Variants in WNK2 observed in about 807,000 individuals in gnomAD.
WNK2 encodes serine/threonine-protein kinase WNK2.
Under a neutral mutation model 192.1 loss-of-function variants are expected in WNK2, and 67 were observed. That is an observed-to-expected ratio of 0.35 (90% confidence interval 0.29 to 0.43). The LOEUF (loss-of-function observed/expected upper bound fraction) is 0.43. WNK2 is among the 20% of genes least tolerant of loss of function. The pLI, the probability that WNK2 is intolerant of heterozygous loss-of-function variation, is 1.00. For missense variants in WNK2, 2,698 were observed against 3,089.7 expected, an observed-to-expected ratio of 0.87 and a Z score of 3.01; for synonymous variants, 1,439 against 1,393.9, an observed-to-expected ratio of 1.03 and a Z score of -0.72.
chr9:93,196,284 G>T (rs1329576300), intron 2 of WNK2, among the ~76,000 whole-genome samples: 2 of 152,102 alleles, frequency 1.3e-5, no homozygotes, highest in African/African-American at 2.4e-5. Context: ...CTTGCTCTCC[G>T]GTGGGGGAGA....
intron 26 of WNK2, among the ~76,000 whole-genome samples, chr9:93,305,759 C>A (rs944305616): frequency 6.6e-6 from 1 of 152,206 alleles, no homozygotes; most frequent in Non-Finnish European, 1.5e-5. Flanking sequence ...AGATCAGAGT[C>A]GCTCCTTTTT....
intron 7 of WNK2, among the ~76,000 whole-genome samples, chr9:93,245,796 T>C (rs1841578852): frequency 6.6e-6 from 1 of 152,212 alleles, no homozygotes; most frequent in African/African-American, 2.4e-5. Context: ...GGCTCCAGCC[T>C]TAGAGGTCAG....
intron 28 of WNK2, chr9:93,316,390 C>A (rs1564246959): frequency 1.3e-5 from 2 of 152,184 alleles, no homozygotes; most frequent in Non-Finnish European, 2.9e-5. Flanking sequence ...GACATATGAA[C>A]AACATGAGCG....
intron 8 of WNK2, among the ~76,000 whole-genome samples, chr9:93,248,221 C>A (rs1299944260): frequency 1.3e-5 from 2 of 152,256 alleles, no homozygotes; most frequent in Non-Finnish European, 2.9e-5. Flanking sequence ...GCCCTGTCCC[C>A]CCAGCCCACC....
intron 2 of WNK2, among the ~76,000 whole-genome samples, chr9:93,188,718 C>A (rs1453830202): frequency 6.6e-6 from 1 of 152,178 alleles, no homozygotes; most frequent in Non-Finnish European, 1.5e-5. Context: ...TAGCCTGGGG[C>A]TCCGTGTCGG....
intron 2 of WNK2, among the ~76,000 whole-genome samples, chr9:93,202,903 G>A (rs1263370389): frequency 6.6e-5 from 10 of 152,108 alleles, no homozygotes; most frequent in African/African-American, 2.2e-4. Flanking sequence ...TTCTTGCTAG[G>A]GTAGACCTCA....
rs1588088033 is a variant in WNK2, at chr9:93,235,233, G to A, written c.1233+268G>A. Among the ~76,000 whole-genome samples, 4 of 152,286 alleles carry A rather than the reference G, an allele frequency of 2.6e-5. No homozygotes were observed. In the South Asian group the frequency reaches 6.2e-4, roughly 24 times the overall value. ...GCAGTGCTTACCCATGGAGGCTGTCGCTCTCACAGCAGGGATGGTGGGGAG... is the reference window on the plus strand; with the variant it reads ...GCAGTGCTTACCCATGGAGGCTGTCACTCTCACAGCAGGGATGGTGGGGAG... On this transcript the variant is annotated intron_variant, in intron 5 of 29. Transcript: ENST00000427277.
chr9:93,286,313 AAAG>A (rs1358986044), intron 19 of WNK2, among the ~76,000 whole-genome samples: 1 of 152,102 alleles, frequency 6.6e-6, no homozygotes, highest in African/African-American at 2.4e-5. Flanking sequence ...CACAAATTAA[AAAG>A]AAAAGAATGA....
chr9:93,262,148 T>C, intron 13 of WNK2, 41 bp downstream of exon 13: 1 of 1,537,318 alleles, frequency 6.5e-7, no homozygotes. Context: ...GACTGGGCAG[T>C]TGCGGCCACC....
Position 93,261,931 on chromosome 9 carries a change from G to A in WNK2, c.3184G>A (p.Ala1062Thr), listed in dbSNP as rs149572974. 612 of 1,609,620 alleles carry A rather than the reference G, an allele frequency of 3.8e-4. 2 individuals are homozygous for A. The African/African-American group carries it at 7.3e-3, about 19-fold the overall frequency. Residue 1062 changes from alanine to threonine, a missense_variant, in exon 13 of 30, where the codon GCC (alanine) becomes ACC (threonine). Ala to Thr is a moderately conservative substitution (Grantham distance 58). Coordinates refer to ENST00000427277, the MANE Select transcript of WNK2 (RefSeq NM_006648.4). The part of the protein sequence containing the change: ...PPLPEVLLPA[A>T]PELLPQFPSS... The stretch of plus-strand genomic sequence containing the variant: ...TCTGCCGGAAGTGCTGCTGCCTGCC[G>A]CCCCTGAGCTCCTGCCTCAGTTCCC...
chr9:93,255,062 G>A (rs887011567), intron 9 of WNK2, among the ~76,000 whole-genome samples: 1 of 152,168 alleles, frequency 6.6e-6, no homozygotes, highest in African/African-American at 2.4e-5. Context: ...CAGCACACCT[G>A]AGCAGGGACA....
chr9:93,278,736 C>T (rs1464844906), intron 19 of WNK2, among the ~76,000 whole-genome samples: 1 of 152,160 alleles, frequency 6.6e-6, no homozygotes, highest in African/African-American at 2.4e-5. Context: ...AAAACCCTAC[C>T]TTCTAAACCA....
At chr9:93,266,210 G>T (rs552930185) in intron 16 of WNK2, among the ~76,000 whole-genome samples, 55 of 152,140 alleles carry the variant, frequency 3.6e-4, no homozygotes, top group Non-Finnish European at 5.9e-4. Flanking sequence ...CCGCCCTGTG[G>T]ACTGTCTTTC....
At chr9:93,309,027 C>T in intron 28 of WNK2, 4 of 1,000,038 alleles carry the variant, frequency 4.0e-6, no homozygotes, top group Non-Finnish European at 3.6e-6. Flanking sequence ...GCACCTGAGC[C>T]AATGTGGGGC....
intron 2 of WNK2, among the ~76,000 whole-genome samples, chr9:93,216,497 T>C (rs1835765004): frequency 6.6e-6 from 1 of 151,862 alleles, no homozygotes; most frequent in Non-Finnish European, 1.5e-5. Flanking sequence ...AATACTAAAA[T>C]TAGCTGGGTG....
chr9:93,285,446 A>G (rs1848315966), intron 19 of WNK2, among the ~76,000 whole-genome samples: 1 of 152,246 alleles, frequency 6.6e-6, no homozygotes, highest in African/African-American at 2.4e-5. Flanking sequence ...CAACAATCAG[A>G]AAATAAAGAA....
intron 2 of WNK2, among the ~76,000 whole-genome samples, chr9:93,201,790 A>G (rs1415013910): frequency 6.6e-6 from 1 of 152,244 alleles, no homozygotes; most frequent in Non-Finnish European, 1.5e-5. Flanking sequence ...GATGAAGGCA[A>G]TGATAAAAAG....
chr9:93,285,258 T>G (rs1848287070), intron 19 of WNK2, among the ~76,000 whole-genome samples: 1 of 152,172 alleles, frequency 6.6e-6, no homozygotes, highest in Non-Finnish European at 1.5e-5. Context: ...CCTCAATATC[T>G]AATGGTATTA....
At chr9:93,284,077 G>A (rs1284075175) in intron 19 of WNK2, among the ~76,000 whole-genome samples, 1 of 152,190 alleles carries the variant, frequency 6.6e-6, no homozygotes, top group Non-Finnish European at 1.5e-5. Context: ...ACAGAGGTGT[G>A]TATAAGGGGG....
Sources: gnomAD v4.1 joint callset for allele counts (sites outside exome capture counted in the v4.1 genomes callset) on GRCh38, gnomAD v4.1.1 for gene constraint, MANE v1.5 for transcripts, NCBI Gene and HGNC (gene_info 2026-07-23, HGNC 2026-07-21) for gene names.